The following EMSY variants were observed in gnomAD, a reference collection of about 807,000 sequenced individuals.
EMSY encodes the protein BRCA2-interacting transcriptional repressor EMSY.
Under a neutral mutation model 134.6 loss-of-function variants are expected in EMSY, and 26 were observed. The observed-to-expected ratio is 0.19, with a 90% confidence interval of 0.14 to 0.27. The LOEUF is 0.27. EMSY is among the 10% of genes least tolerant of loss of function. EMSY has a pLI of 1.00. For missense variants in EMSY, 1,305 were observed against 1,611.4 expected, an observed-to-expected ratio of 0.81 and a Z score of 3.26; for synonymous variants, 579 against 577.8, an observed-to-expected ratio of 1.00 and a Z score of -0.03.
At chr11:76,481,157 C>T (rs188551941) in intron 8 of EMSY, among the ~76,000 whole-genome samples, 40 of 152,264 alleles carry the variant, frequency 2.6e-4, no homozygotes, top group Non-Finnish European at 5.4e-4. Context: ...CATTCTCCTG[C>T]CTCAGCCTCT....
intron 4 of EMSY, among the ~76,000 whole-genome samples, chr11:76,456,161 T>C (rs1003131465): frequency 2.6e-5 from 4 of 152,324 alleles, no homozygotes; most frequent in African/African-American, 9.6e-5. Flanking sequence ...CTATAAAATC[T>C]AGTTTAGATA....
At chr11:76,496,387 T>A (rs375127434) in exon 9 of EMSY, 2 of 1,614,136 alleles carry the variant, frequency 1.2e-6, no homozygotes, top group African/African-American at 2.7e-5. Flanking sequence ...CCCAGCCTTC[T>A]CCAGTATCTC....
intron 4 of EMSY, among the ~76,000 whole-genome samples, 160 bp downstream of exon 5, chr11:76,454,950 T>C (rs1947810905): frequency 6.6e-6 from 1 of 152,068 alleles, no homozygotes; most frequent in Non-Finnish European, 1.5e-5. Context: ...GCCCACCCTT[T>C]AGCCATTTTG....
exon 11 of EMSY, chr11:76,516,270 G>A (rs2136166466): frequency 1.9e-6 from 3 of 1,612,558 alleles, no homozygotes; most frequent in Admixed American, 3.3e-5. Context: ...CAAATCATTA[G>A]CTACCTTGGG....
chr11:76,546,432 T>A, intron 20 of EMSY, 135 bp downstream of exon 21: 2 of 1,251,856 alleles, frequency 1.6e-6, no homozygotes, highest in East Asian at 5.0e-5. Flanking sequence ...TGAGATGGTG[T>A]TTGACAAATT....
chr11:76,499,465 T>A (rs1949776563), intron 9 of EMSY, among the ~76,000 whole-genome samples: 2 of 151,598 alleles, frequency 1.3e-5, no homozygotes, highest in African/African-American at 4.8e-5. Context: ...TTTTTTGTAT[T>A]TTTAGTAGAG....
At chr11:76,481,406 C>T (rs755129081) in intron 8 of EMSY, among the ~76,000 whole-genome samples, 1 of 152,174 alleles carries the variant, frequency 6.6e-6, no homozygotes, top group African/African-American at 2.4e-5. Context: ...ACCATTCACT[C>T]CCCTGGAAAG....
At chr11:76,542,752 T>C (rs1307536291) in intron 18 of EMSY, among the ~76,000 whole-genome samples, 1 of 144,830 alleles carries the variant, frequency 6.9e-6, no homozygotes, top group Non-Finnish European at 1.5e-5. Context: ...TTTCGTTTTT[T>C]GTTTTTTTTT....
rs1271811075 is a variant in EMSY, at chr11:76,458,307, A to C, written c.370A>C (p.Ile124Leu). 6.2e-6 allele frequency: 10 copies of C among 1,613,968 alleles called. No individual in the cohort carries two copies. In the East Asian group the frequency reaches 2.2e-4, roughly 36 times the overall value. The change falls in exon 5 of 21, where the codon ATC becomes CTC. Residue 124 changes from isoleucine (I) to leucine (L), a missense_variant. By Grantham distance (5) the Ile-to-Leu change is conservative (BLOSUM62 2). This residue lies in a region of EMSY where 205 missense variants were observed against 268.6 expected (regional missense o/e 0.76). Coordinates refer to ENST00000334736, the Ensembl canonical transcript of EMSY. ...AGCTAATGCTGTTGCTAATGCAGCTATCCAGCATAATGCATCTCTTCCAGT... is the reference window on the plus strand; with the variant it reads ...AGCTAATGCTGTTGCTAATGCAGCTCTCCAGCATAATGCATCTCTTCCAGT...
chr11:76,448,552 T>C (rs1947516453), intron 2 of EMSY, among the ~76,000 whole-genome samples: 1 of 152,092 alleles, frequency 6.6e-6, no homozygotes, highest in Admixed American at 6.6e-5. Flanking sequence ...AATGGTAACC[T>C]TTAAGTCTAA....
chr11:76,461,214 T>A (rs1948103938), intron 6 of EMSY, among the ~76,000 whole-genome samples: 2 of 152,126 alleles, frequency 1.3e-5, no homozygotes, highest in African/African-American at 2.4e-5. Flanking sequence ...GTTTTTCCTG[T>A]CAACTGGAGG....
chr11:76,499,708 C>G (rs1466479590), intron 9 of EMSY, among the ~76,000 whole-genome samples: 1 of 151,862 alleles, frequency 6.6e-6, no homozygotes, highest in Admixed American at 6.6e-5. Flanking sequence ...TTTCTTTTTT[C>G]TTGCCTATTT....
intron 11 of EMSY, among the ~76,000 whole-genome samples, chr11:76,519,919 C>T (rs942030556): frequency 2.0e-5 from 3 of 152,076 alleles, no homozygotes; most frequent in African/African-American, 7.2e-5. Context: ...GAGCCAGATA[C>T]TCTGCTGTGT....
At chr11:76,517,448 C>T (rs935206977) in intron 11 of EMSY, among the ~76,000 whole-genome samples, 5 of 152,130 alleles carry the variant, frequency 3.3e-5, no homozygotes, top group African/African-American at 1.2e-4. Flanking sequence ...TAGTATAAAG[C>T]ACTTACTCAG....
At chr11:76,490,450 A>G (rs1387707287) in intron 8 of EMSY, among the ~76,000 whole-genome samples, 1 of 152,246 alleles carries the variant, frequency 6.6e-6, no homozygotes, top group Non-Finnish European at 1.5e-5. Context: ...CGGAAAAATT[A>G]CTATTGGTTG....
intron 15 of EMSY, among the ~76,000 whole-genome samples, chr11:76,537,494 G>A (rs1357938368): frequency 6.6e-6 from 1 of 152,130 alleles, no homozygotes; most frequent in African/African-American, 2.4e-5. Flanking sequence ...GAAGGGTATA[G>A]GAAATACCTT....
intron 2 of EMSY, among the ~76,000 whole-genome samples, chr11:76,449,360 A>G (rs1947557325): frequency 6.6e-6 from 1 of 152,194 alleles, no homozygotes; most frequent in South Asian, 2.1e-4. Flanking sequence ...AACTGTGTTC[A>G]GAGTCCCAGT....
intron 11 of EMSY, among the ~76,000 whole-genome samples, chr11:76,520,772 A>G (rs1217174800): frequency 2.0e-5 from 3 of 150,082 alleles, no homozygotes; most frequent in Admixed American, 6.8e-5. Context: ...TGTATACACT[A>G]AGTTTACACA....
chr11:76,534,158 A>C (rs1565355856), intron 14 of EMSY, among the ~76,000 whole-genome samples: 1 of 152,094 alleles, frequency 6.6e-6, no homozygotes, highest in African/African-American at 2.4e-5. Flanking sequence ...ATCTCTATAA[A>C]CACAATCCCT....
Sources: allele counts gnomAD v4.1 joint callset (sites outside exome capture counted in the v4.1 genomes callset), GRCh38; gene constraint gnomAD v4.1.1; regional missense constraint gnomAD v4.1.1; transcripts MANE v1.5; gene names NCBI Gene and HGNC (gene_info 2026-07-23, HGNC 2026-07-21).